Variants in ACSM1 observed in about 807,000 individuals in gnomAD.
ACSM1 encodes the protein acyl-coenzyme A synthetase ACSM1, mitochondrial.
ACSM1 carries 79 observed loss-of-function variants against 75.8 expected under a neutral mutation model. The observed-to-expected ratio is 1.04, with a 90% CI of 0.87 to 1.26. ACSM1 has a LOEUF of 1.26. Among genes scored for constraint, ACSM1 ranks in the 50% most tolerant of loss-of-function variants. The pLI is 0.00. For synonymous variants in ACSM1, 279 were observed against 265.8 expected, an observed-to-expected ratio of 1.05 and a Z score of -0.48; for missense variants, 676 against 720.1, an observed-to-expected ratio of 0.94 and a Z score of 0.70.
chr16:20,629,152 T>C (rs1019806244), intron 10 of ACSM1, among the ~76,000 whole-genome samples: 3 of 152,018 alleles, frequency 2.0e-5, no homozygotes, highest in East Asian at 1.9e-4. Flanking sequence ...TATGAGAAAA[T>C]TGTTTTTTTT....
chr16:20,689,342 A>G (rs950036271), intron 2 of ACSM1, among the ~76,000 whole-genome samples: 24 of 152,264 alleles, frequency 1.6e-4, no homozygotes, highest in African/African-American at 5.8e-4. Flanking sequence ...AAAGTGTGTC[A>G]CTACAAAAAC....
chr16:20,657,276 GTTTTTTTGGGTTT>G (rs2019024588), intron 7 of ACSM1, among the ~76,000 whole-genome samples: 1 of 148,578 alleles, frequency 6.7e-6, no homozygotes, highest in African/African-American at 2.6e-5. Flanking sequence ...TGTTGGGTTT[GTTTTTTTGGGTTT>G]GTTTTTTTGG....
At chr16:20,653,442 T>C (rs1251328113) in intron 7 of ACSM1, among the ~76,000 whole-genome samples, 2 of 152,116 alleles carry the variant, frequency 1.3e-5, no homozygotes, top group Admixed American at 6.5e-5. Context: ...GCTATTCAAT[T>C]AGGAAAAGAG....
chr16:20,666,417 C>G (rs939744994), intron 6 of ACSM1, among the ~76,000 whole-genome samples: 1 of 151,992 alleles, frequency 6.6e-6, no homozygotes, highest in Non-Finnish European at 1.5e-5. Flanking sequence ...TACATCTAAC[C>G]AAGGAGGTGA....
At position 20,623,379 on chromosome 16, in the gene ACSM1, C is replaced by T; in HGVS notation, c.*107G>A. 1 of 953,540 alleles carries T rather than the reference C, an allele frequency of 1.0e-6. No homozygotes were observed. Among genetic ancestry groups the T allele is most frequent in the Non-Finnish European group, 1.6e-6 (1 of 613,830 alleles). 59.1% of individuals were successfully genotyped at this position (953,540 alleles called of 1,614,324 possible). On this transcript the variant is annotated 3_prime_UTR_variant, in exon 14 of 14. Transcript: ENST00000520010. ...GAATCATGGCACTCCTGATACTTTCCCAAATCAACACTCTCAATGCCCCAC... is the reference window on the plus strand; with the variant it reads ...GAATCATGGCACTCCTGATACTTTCTCAAATCAACACTCTCAATGCCCCAC...
chr16:20,662,794 T>A (rs231930), intron 6 of ACSM1, among the ~76,000 whole-genome samples: 2 of 152,012 alleles, frequency 1.3e-5, no homozygotes, highest in Middle Eastern at 3.4e-3. Flanking sequence ...CATTTATATA[T>A]GCTTTTAAAA....
At position 20,670,371 on chromosome 16, in the gene ACSM1, C is replaced by CATGG. The variant is rs1208220517; in HGVS notation, c.753-386_753-385insCCAT. ...CTGAAATCTCAACTGTGTTAATTTC[C>CATGG]ATCATATGTCTAGTACCTGATCCAT... On this transcript the variant is annotated intron_variant, in intron 5 of 13. Transcript: ENST00000520010. 3.4e-3 allele frequency among the ~76,000 whole-genome samples: 511 copies of CATGG among 152,250 alleles called. 1 individual carries two copies. The highest frequency in any genetic ancestry group is 0.012 in the African/African-American group (482 of 41,550).
intron 7 of ACSM1, among the ~76,000 whole-genome samples, chr16:20,649,946 A>G (rs2018560837): frequency 1.3e-5 from 2 of 152,204 alleles, no homozygotes; most frequent in African/African-American, 4.8e-5. Context: ...TTTGTCAACA[A>G]TAGTTTGGTG....
rs1213907035 is a variant in ACSM1, at chr16:20,637,468, G to T, written c.1117-17C>A. On this transcript the variant is annotated splice_polypyrimidine_tract_variant and intron_variant, in intron 8 of 13. Transcript: ENST00000520010. ...AATTAGTCCCTGTTCACAAAAGAAA[G>T]AAGATTTGGGTTGATCAGAGAGGCC... is the stretch of plus-strand genomic sequence containing the variant. The T allele has an allele frequency of 1.2e-6, 2 of 1,610,568 alleles. No individual in the cohort carries two copies.
At chr16:20,669,194 AC>A (rs2019738685) in intron 6 of ACSM1, among the ~76,000 whole-genome samples, 1 of 152,130 alleles carries the variant, frequency 6.6e-6, no homozygotes, top group Non-Finnish European at 1.5e-5. Flanking sequence ...AGCAGCTCCC[AC>A]AGATAGAGTG....
chr16:20,632,754 T>C (rs950943790), intron 10 of ACSM1, among the ~76,000 whole-genome samples: 13 of 152,166 alleles, frequency 8.5e-5, no homozygotes, highest in African/African-American at 3.1e-4. Context: ...TACAGACCAA[T>C]AACTCTTATG....
chr16:20,666,198 G>A (rs1205110710), intron 6 of ACSM1, among the ~76,000 whole-genome samples: 1 of 151,988 alleles, frequency 6.6e-6, no homozygotes, highest in African/African-American at 2.4e-5. Flanking sequence ...ATCTCTTTTT[G>A]CTGACAATAT....
chr16:20,627,447 C>T (rs1290027811), intron 10 of ACSM1, 131 bp from the exon 11 acceptor site: 1 of 1,068,198 alleles, frequency 9.4e-7, no homozygotes, highest in Non-Finnish European at 1.3e-6. Context: ...TTTGCCATTT[C>T]TGAGTCTATT....
intron 7 of ACSM1, among the ~76,000 whole-genome samples, chr16:20,650,415 C>T (rs1200634443): frequency 1.3e-5 from 2 of 152,072 alleles, no homozygotes; most frequent in African/African-American, 2.4e-5. Context: ...CCCCCCACAA[C>T]GTGCAGCGGC....
intron 4 of ACSM1, among the ~76,000 whole-genome samples, chr16:20,677,656 T>A (rs1344978912): frequency 6.6e-6 from 1 of 152,172 alleles, no homozygotes; most frequent in Non-Finnish European, 1.5e-5. Flanking sequence ...AGCAGTTTCA[T>A]ACGAAAGGGA....
chr16:20,680,183 C>T (rs1338547585), intron 4 of ACSM1: 4 of 152,198 alleles, frequency 2.6e-5, no homozygotes. Flanking sequence ...CAATCCTTTA[C>T]ATTTTACTAT....
intron 9 of ACSM1, 186 bp downstream of exon 9, chr16:20,637,185 G>A (rs764236242): frequency 7.8e-6 from 6 of 767,528 alleles, no homozygotes; most frequent in East Asian, 2.4e-5. Flanking sequence ...CAGGGTCAGC[G>A]GTGTTCATGC....
intron 12 of ACSM1, 38 bp from the exon 13 acceptor site, chr16:20,624,253 C>A (rs368351944): frequency 4.8e-5 from 76 of 1,571,624 alleles, no homozygotes; most frequent in Admixed American, 1.3e-4. Flanking sequence ...TGAGTGCCAA[C>A]CTACTCCATA....
chr16:20,652,780 A>C (rs1360879054), intron 7 of ACSM1, among the ~76,000 whole-genome samples: 1 of 152,198 alleles, frequency 6.6e-6, no homozygotes, highest in South Asian at 2.1e-4. Flanking sequence ...CAACCAAAAA[A>C]GGCCCAGGAC....
Sources: allele counts gnomAD v4.1 joint callset (sites outside exome capture counted in the v4.1 genomes callset), GRCh38; gene constraint gnomAD v4.1.1; transcripts MANE v1.5; gene names NCBI Gene and HGNC (gene_info 2026-07-23, HGNC 2026-07-21).